KCNH2: variants seen among roughly 807,000 people sequenced by gnomAD.
KCNH2 encodes potassium voltage-gated channel subfamily H member 2.
A neutral mutation model predicts 95.9 loss-of-function variants in KCNH2; 35 were observed. That is an observed-to-expected ratio of 0.37 (90% CI 0.28 to 0.48). KCNH2 has a LOEUF of 0.48. Among genes scored for constraint, KCNH2 ranks in the 20% least tolerant of loss-of-function variants. KCNH2 has a pLI of 0.99. For synonymous variants in KCNH2, 786 were observed against 754.7 expected (o/e 1.04, Z -0.68); for missense variants, 1,274 against 1,702.9 (o/e 0.75, Z 4.43).
Position 150,977,938 on chromosome 7 carries a change from G to GGGCCCCCACCCA in KCNH2, c.-37_-26dup. The GGGCCCCCACCCA allele has an allele frequency of 2.6e-6, 4 of 1,559,016 alleles. No individual in the cohort carries two copies. Among genetic ancestry groups the GGGCCCCCACCCA allele is most frequent in the Non-Finnish European group, 3.5e-6 (4 of 1,151,512 alleles). On this transcript the variant is annotated 5_prime_UTR_variant, in exon 1 of 15. Transcript: ENST00000262186. ...TCCTGAGCCCATGGGCGGGCCGGGC[G>GGGCCCCCACCCA]GGCCCCCACCCACCCCGGCCCGGCC...
chr7:150,947,244 G>T, intron 13 of KCNH2, 84 bp downstream of exon 13: 1 of 1,244,284 alleles, frequency 8.0e-7, no homozygotes, highest in Non-Finnish European at 1.1e-6. Flanking sequence ...ACACAGACAG[G>T]CCCTCTCCCT....
rs1225492474 is a variant in KCNH2 at position 150,966,389 on chromosome 7, CCCCA to C, written c.308-6657_308-6654del. Among the ~76,000 whole-genome samples the C allele has an allele frequency of 8.1e-4, 50 of 61,860 alleles. 2 individuals are homozygous for C. Among genetic ancestry groups the C allele is most frequent in the East Asian group, 5.3e-3 (4 of 754 alleles). 40.6% of individuals were successfully genotyped at this position (61,860 alleles called of 152,430 possible). A position where few individuals can be genotyped will look rare whatever the true frequency, so the allele number is the denominator to read the frequency against. On this transcript the variant is annotated intron_variant, in intron 2 of 14. Coordinates refer to ENST00000262186, the MANE Select transcript of KCNH2 (RefSeq NM_000238.4). Reference sequence around the variant, plus strand: ...CTCATTGATTTGCCCCCTCCCCCCCCCCCACACACACACACACACAGGACACTGT... The same window carrying C: ...CTCATTGATTTGCCCCCTCCCCCCCCCACACACACACACACAGGACACTGT...
At chr7:150,957,259 G>A (rs1325551889) in intron 5 of KCNH2, 32 bp downstream of exon 5, 15 of 1,518,780 alleles carry the variant, frequency 9.9e-6, no homozygotes, top group South Asian at 2.4e-5. Context: ...CTCCTCCAAG[G>A]TGAGAGGAGA....
At chr7:150,969,995 T>C (rs1801797618) in intron 2 of KCNH2, among the ~76,000 whole-genome samples, 1 of 152,098 alleles carries the variant, frequency 6.6e-6, no homozygotes, top group South Asian at 2.1e-4. Flanking sequence ...CTGACTCCCA[T>C]GGCCCTCCTG....
intron 13 of KCNH2, 133 bp from the exon 14 acceptor site, chr7:150,947,187 G>T: frequency 1.8e-6 from 2 of 1,099,130 alleles, no homozygotes; most frequent in Non-Finnish European, 2.6e-6. Context: ...AGGTGTGGCA[G>T]CCCCCAGCTG....
intron 5 of KCNH2, among the ~76,000 whole-genome samples, chr7:150,954,298 C>A (rs1801290949): frequency 1.3e-5 from 2 of 151,788 alleles, no homozygotes; most frequent in East Asian, 1.9e-4. Context: ...ACTGGCCAGG[C>A]CCCTGCTGAT....
At chr7:150,976,884 G>C (rs11978792) in intron 1 of KCNH2, among the ~76,000 whole-genome samples, 2 of 150,488 alleles carry the variant, frequency 1.3e-5, no homozygotes, top group African/African-American at 2.5e-5. Flanking sequence ...ACTGACCATC[G>C]GACTGACCCC....
chr7:150,973,037 CAGCACCCTTGTGAAGGTCCAA>C (rs1204746572), intron 2 of KCNH2, among the ~76,000 whole-genome samples: 2 of 152,208 alleles, frequency 1.3e-5, no homozygotes, highest in Non-Finnish European at 2.9e-5. Context: ...TATGAAAGCT[CAGCACCCTTGTGAAGGTCCAA>C]AGCAAGGCAC....
chr7:150,945,385 C>A lies in KCNH2; in HGVS notation c.3460G>T (p.Gly1154Cys). The A allele has an allele frequency of 6.3e-7, 1 of 1,590,846 alleles. No individual in the cohort carries two copies. The highest frequency in any genetic ancestry group is 8.6e-7 in the Non-Finnish European group (1 of 1,169,304). ...CCCCACTAACTGCCCGGGTCCGAGC[C>A]GTGTCTGTGCAGGGGCTGGGAGGTG... ...ALTSQPLHRHGSDPGS is the reference protein window; with the variant it reads ...ALTSQPLHRHCSDPGS The change falls in exon 15 of 15, where the codon GGC (glycine) becomes TGC (cysteine). Residue 1154 changes from glycine to cysteine, a missense_variant. Coordinates refer to ENST00000262186, the MANE Select transcript of KCNH2 (RefSeq NM_000238.4). The surrounding 1 kb of genome is among the most constrained non-coding windows in gnomAD (Gnocchi z 5.6).
chr7:150,977,940 G>T lies in KCNH2; in HGVS notation c.-27C>A, dbSNP rs925207241. 2 of 1,546,878 alleles carry T rather than the reference G, an allele frequency of 1.3e-6. No homozygotes were observed. Among genetic ancestry groups the T allele is most frequent in the Admixed American group, 3.6e-5 (2 of 54,888 alleles). On this transcript the variant is annotated 5_prime_UTR_variant, in exon 1 of 15. Coordinates refer to ENST00000262186, the MANE Select transcript of KCNH2 (RefSeq NM_000238.4). The stretch of plus-strand genomic sequence containing the variant: ...CTGAGCCCATGGGCGGGCCGGGCGG[G>T]CCCCCACCCACCCCGGCCCGGCCCG...
rs41312517 is a variant in KCNH2 at position 150,971,636 on chromosome 7, G to C, written c.307+3075C>G. On this transcript the variant is annotated intron_variant, in intron 2 of 14. Transcript: ENST00000262186. ...GAGAGGCAAGGAGCAAGGTTCCGGGGTGCTGAGGCGAGGGAAGAAGACAGG... is the reference window on the plus strand; with the variant it reads ...GAGAGGCAAGGAGCAAGGTTCCGGGCTGCTGAGGCGAGGGAAGAAGACAGG... 7.7e-3 allele frequency among the ~76,000 whole-genome samples: 1,173 copies of C among 152,034 alleles called. 28 individuals carry two copies. The highest frequency in any genetic ancestry group is 0.054 in the South Asian group (258 of 4,800).
intron 2 of KCNH2, among the ~76,000 whole-genome samples, chr7:150,966,522 GA>G: frequency 6.6e-6 from 1 of 151,718 alleles, no homozygotes; most frequent in Admixed American, 6.6e-5. Context: ...CATAAACAGC[GA>G]AAACTGGCAT....
chr7:150,977,053 A>G (rs1801997308), intron 1 of KCNH2, among the ~76,000 whole-genome samples: 1 of 152,100 alleles, frequency 6.6e-6, no homozygotes, highest in Non-Finnish European at 1.5e-5. Context: ...GCCCACCCCC[A>G]GGACATTTGC....
At chr7:150,955,625 C>A (rs1801344912) in intron 5 of KCNH2, 1 of 1,429,814 alleles carries the variant, frequency 7.0e-7, no homozygotes, top group Non-Finnish European at 9.1e-7. Context: ...GACTGGCAAC[C>A]AGAGCAGCCC....
chr7:150,949,528 A>T (rs542893941), intron 9 of KCNH2: 2 of 860,374 alleles, frequency 2.3e-6, no homozygotes, highest in South Asian at 3.8e-5. Flanking sequence ...ATGTAGTGAA[A>T]CTTTGATTTT....
In KCNH2 at chr7:150,958,120, G is replaced by A. The variant is rs1475464155; in HGVS notation, c.855C>T (p.Ala285=). The A allele has an allele frequency of 1.2e-5, 15 of 1,300,102 alleles. No individual in the cohort carries two copies. The highest frequency in any genetic ancestry group is 1.5e-5 in the Non-Finnish European group (15 of 1,028,624). 80.5% of individuals were successfully genotyped at this position (1,300,102 alleles called of 1,614,324 possible). ...SCASVRRASS[A]DDIEAMRAGV... ...CGGCGCGCATGGCCTCGATGTCGTC[G>A]GCCGACGAGGCGCGGCGCACGCTGG... Residue 285 remains alanine, a synonymous_variant, in exon 4 of 15, where the codon GCC becomes GCT. Transcript: ENST00000262186.
Position 150,950,956 on chromosome 7 carries a change from C to T in KCNH2, c.2110G>A (p.Ala704Thr), listed in dbSNP as rs773524985. The change falls in exon 8 of 15, where the codon GCC (alanine) becomes ACC (threonine). Residue 704 changes from alanine (A) to threonine (T), a missense_variant. By Grantham distance (58) the Ala-to-Thr change is moderately conservative (BLOSUM62 0). Around this residue, in one of 7 missense-constraint regions of KCNH2, gnomAD observed 159 missense variants for 282.5 expected, o/e 0.56. Coordinates refer to ENST00000262186, the MANE Select transcript of KCNH2 (RefSeq NM_000238.4). ...RQRLEEYFQH[A>T]WSYTNGIDMN... ...TCGATGCCGTTGGTGTAGGACCAGG[C>T]GTGCTGGAAGTACTCCTCGAGGCGC... 5 of 1,614,210 alleles carry T rather than the reference C, an allele frequency of 3.1e-6. No homozygotes were observed. The highest frequency in any genetic ancestry group is 1.7e-4 in the Middle Eastern group (1 of 6,058).
At chr7:150,955,247 C>T (rs41314387) in intron 5 of KCNH2, 12 of 799,870 alleles carry the variant, frequency 1.5e-5, no homozygotes, top group Admixed American at 1.3e-4. Flanking sequence ...AGGAGCCAGG[C>T]GCGGGTGAGC....
Position 150,945,377 on chromosome 7 carries a change from G to A in KCNH2, c.3468C>T (p.Asp1156=). Residue 1156 remains aspartate (D), a synonymous_variant, in exon 15 of 15, where the codon GAC becomes GAT. Transcript: ENST00000262186. The surrounding 1 kb of genome is among the most constrained non-coding windows in gnomAD (Gnocchi z 5.6). ...TSQPLHRHGS[D]PGS ...CTGGGCAGCCCCACTAACTGCCCGG[G>A]TCCGAGCCGTGTCTGTGCAGGGGCT... is the stretch of plus-strand genomic sequence containing the variant. The A allele has an allele frequency of 5.7e-6, 9 of 1,587,930 alleles. No homozygotes were observed. The highest frequency in any genetic ancestry group is 7.7e-6 in the Non-Finnish European group (9 of 1,168,506).
Sources: gnomAD v4.1 joint callset for allele counts (sites outside exome capture counted in the v4.1 genomes callset) on GRCh38, gnomAD v4.1.1 for gene constraint, gnomAD v4.1.1 regional missense constraint, Gnocchi (gnomAD v3.1) non-coding constraint, MANE v1.5 for transcripts, NCBI Gene and HGNC (gene_info 2026-07-23, HGNC 2026-07-21) for gene names.